SH3PXD2A: variants seen among roughly 807,000 people sequenced by gnomAD.
SH3PXD2A encodes SH3 and PX domains 2A.
SH3PXD2A carries 32 observed loss-of-function variants against 115.2 expected under a neutral mutation model. That is an observed-to-expected ratio of 0.28 (90% CI 0.21 to 0.37). SH3PXD2A has a LOEUF of 0.37. Ranked by LOEUF, SH3PXD2A falls within the 10% of genes least tolerant of loss-of-function variation. The pLI, the probability that SH3PXD2A is intolerant of heterozygous loss-of-function variation, is 1.00. For synonymous variants in SH3PXD2A, 610 were observed against 629.1 expected (o/e 0.97, Z 0.45); for missense variants, 1,328 against 1,498.7 (o/e 0.89, Z 1.88).
chr10:103,789,135 T>A, intron 2 of SH3PXD2A, among the ~76,000 whole-genome samples: 1 of 148,194 alleles, frequency 6.7e-6, no homozygotes, highest in African/African-American at 2.5e-5. Context: ...TCCAAAAGAG[T>A]CAAAAACAAA....
intron 13 of SH3PXD2A, among the ~76,000 whole-genome samples, chr10:103,607,870 T>C (rs2036349503): frequency 6.6e-6 from 1 of 152,082 alleles, no homozygotes; most frequent in South Asian, 2.1e-4. Context: ...CTGTGCTCTC[T>C]GAAACATGTG....
intron 2 of SH3PXD2A, among the ~76,000 whole-genome samples, chr10:103,776,007 T>C (rs1280977582): frequency 6.6e-6 from 1 of 152,196 alleles, no homozygotes; most frequent in Non-Finnish European, 1.5e-5. Context: ...CCCTGGGCTC[T>C]AGGGGAGCAT....
At chr10:103,626,977 C>T in intron 9 of SH3PXD2A, 112 bp downstream of exon 9, 1 of 655,756 alleles carries the variant, frequency 1.5e-6, no homozygotes, top group Non-Finnish European at 2.8e-6. Flanking sequence ...AGGGAGGAGG[C>T]TAGGATATGG....
chr10:103,808,037 G>T (rs561822738), intron 1 of SH3PXD2A, among the ~76,000 whole-genome samples: 1 of 151,952 alleles, frequency 6.6e-6, no homozygotes, highest in Non-Finnish European at 1.5e-5. Flanking sequence ...TTCTATCATG[G>T]GGGGGTTGGT....
intron 5 of SH3PXD2A, among the ~76,000 whole-genome samples, chr10:103,700,562 G>T (rs777399466): frequency 6.6e-6 from 1 of 152,216 alleles, no homozygotes; most frequent in African/African-American, 2.4e-5. Context: ...ATTCCAAGGA[G>T]TCCCACCTAG....
At chr10:103,847,019 A>G (rs1842854042) in intron 1 of SH3PXD2A, among the ~76,000 whole-genome samples, 1 of 152,266 alleles carries the variant, frequency 6.6e-6, no homozygotes, top group Non-Finnish European at 1.5e-5. Flanking sequence ...GATGCTTAGC[A>G]CATAGAAAAC....
chr10:103,759,017 G>A (rs1221712593), intron 3 of SH3PXD2A, among the ~76,000 whole-genome samples: 4 of 152,152 alleles, frequency 2.6e-5, no homozygotes, highest in Non-Finnish European at 5.9e-5. Context: ...TTCTCAGCTG[G>A]TGCCTGGTGG....
intron 1 of SH3PXD2A, among the ~76,000 whole-genome samples, chr10:103,810,879 C>CACAT (rs1300990960): frequency 2.3e-5 from 3 of 130,264 alleles, no homozygotes; most frequent in Admixed American, 8.4e-5. Context: ...CACAGACATA[C>CACAT]ACAGGGACAC....
Position 103,603,104 on chromosome 10 carries a change from G to T in SH3PXD2A, c.2114C>A (p.Ser705Tyr), listed in dbSNP as rs1381889407. 5 of 1,613,040 alleles carry T rather than the reference G, an allele frequency of 3.1e-6. No homozygotes were observed. Among genetic ancestry groups the T allele is most frequent in the Non-Finnish European group, 8.5e-7 (1 of 1,179,978 alleles). Residue 705 changes from serine to tyrosine, a missense_variant, in exon 15 of 15, where the codon TCC becomes TAC. By Grantham distance (144) the Ser-to-Tyr change is moderately radical (BLOSUM62 -2). Coordinates refer to ENST00000369774, the MANE Select transcript of SH3PXD2A (RefSeq NM_001394015.1). ...TTTGGACAAGGAAGAGGAGGAGGAG[G>T]AAGAGGAGGAGCAGCAAGTGGTGTT... is the stretch of plus-strand genomic sequence containing the variant. ...TINTTCCSSS[S>Y]SSSSSLSKTS...
At chr10:103,798,062 C>T (rs2039110639) in intron 2 of SH3PXD2A, among the ~76,000 whole-genome samples, 1 of 152,152 alleles carries the variant, frequency 6.6e-6, no homozygotes, top group Admixed American at 6.5e-5. Flanking sequence ...CCGAGGCCGC[C>T]TCGTGGGTGC....
At chr10:103,808,143 TGA>T (rs2039225941) in intron 1 of SH3PXD2A, among the ~76,000 whole-genome samples, 1 of 152,058 alleles carries the variant, frequency 6.6e-6, no homozygotes, top group Admixed American at 6.5e-5. Flanking sequence ...CAGCTCCCCA[TGA>T]GAGTGCCTAC....
chr10:103,837,920 T>C (rs1353482207), intron 1 of SH3PXD2A, among the ~76,000 whole-genome samples: 1 of 152,004 alleles, frequency 6.6e-6, no homozygotes, highest in African/African-American at 2.4e-5. Flanking sequence ...CTGAGCCGCC[T>C]CTTGGGGCCC....
At chr10:103,628,023 TC>T (rs2036724120) in intron 8 of SH3PXD2A, among the ~76,000 whole-genome samples, 1 of 152,194 alleles carries the variant, frequency 6.6e-6, no homozygotes, top group Admixed American at 6.5e-5. Flanking sequence ...TCAAGGCTTC[TC>T]CCCGGGCAGC....
chr10:103,632,073 G>A (rs185700228), intron 8 of SH3PXD2A, among the ~76,000 whole-genome samples: 1 of 152,202 alleles, frequency 6.6e-6, no homozygotes, highest in East Asian at 1.9e-4. Flanking sequence ...AGCCTGAGGT[G>A]AGAGGATGGC....
At chr10:103,717,615 C>T (rs1389025803) in intron 5 of SH3PXD2A, among the ~76,000 whole-genome samples, 4 of 152,218 alleles carry the variant, frequency 2.6e-5, no homozygotes, top group African/African-American at 4.8e-5. Flanking sequence ...CCCACCAGAA[C>T]TGCATCCTCC....
chr10:103,738,427 G>T (rs929182671), intron 3 of SH3PXD2A, among the ~76,000 whole-genome samples: 5 of 152,150 alleles, frequency 3.3e-5, no homozygotes, highest in African/African-American at 4.8e-5. Flanking sequence ...CAAGAAGATG[G>T]GTGGCCCTGG....
At position 103,746,395 on chromosome 10, in the gene SH3PXD2A, CT is replaced by C. The variant is rs1311650337; in HGVS notation, c.230-10588del. On this transcript the variant is annotated intron_variant, in intron 3 of 14. Coordinates refer to ENST00000369774, the MANE Select transcript of SH3PXD2A (RefSeq NM_001394015.1). The surrounding 1 kb of genome is among the most constrained non-coding windows in gnomAD (Gnocchi z 4.4). The stretch of plus-strand genomic sequence containing the variant: ...AGTGCAGGGGAGTGATCTCGGCTCA[CT>C]GCAATCTCTGCCTCCCGGGTTCAAG... 3.3e-5 allele frequency among the ~76,000 whole-genome samples: 5 copies of C among 152,312 alleles called. No individual in the cohort carries two copies. Among genetic ancestry groups the C allele is most frequent in the African/African-American group, 1.2e-4 (5 of 41,554 alleles).
chr10:103,787,710 C>A (rs1421711090), intron 2 of SH3PXD2A, among the ~76,000 whole-genome samples: 1 of 152,214 alleles, frequency 6.6e-6, no homozygotes, highest in East Asian at 1.9e-4. Flanking sequence ...GTCACCCACC[C>A]AAAGACCCTC....
intron 3 of SH3PXD2A, among the ~76,000 whole-genome samples, chr10:103,753,255 A>G (rs1176192256): frequency 6.8e-6 from 1 of 146,658 alleles, no homozygotes; most frequent in African/African-American, 2.5e-5. Context: ...CAAGGTGGGC[A>G]GATCACTTGA....
Sources: allele counts gnomAD v4.1 joint callset (sites outside exome capture counted in the v4.1 genomes callset), GRCh38; gene constraint gnomAD v4.1.1; non-coding constraint Gnocchi (gnomAD v3.1); transcripts MANE v1.5; gene names NCBI Gene and HGNC (gene_info 2026-07-23, HGNC 2026-07-21).